The following FOXN1 variants were observed in gnomAD, a reference collection of about 807,000 sequenced individuals.
FOXN1 encodes the protein forkhead box protein N1.
FOXN1 carries 15 observed loss-of-function variants against 49.0 expected under a neutral mutation model. The ratio of observed to expected loss-of-function variants is 0.31; its 90% confidence interval spans 0.20 to 0.47. The LOEUF (loss-of-function observed/expected upper bound fraction) is 0.47. FOXN1 is among the 20% of genes least tolerant of loss of function. The pLI, the probability that FOXN1 is intolerant of heterozygous loss-of-function variation, is 1.00. For missense variants in FOXN1, 800 were observed against 842.8 expected (o/e 0.95, Z 0.63); for synonymous variants, 356 against 369.0 (o/e 0.96, Z 0.40).
chr17:28,525,792 A>C (rs1365467800), intron 3 of FOXN1, among the ~76,000 whole-genome samples: 1 of 152,108 alleles, frequency 6.6e-6, no homozygotes, highest in Non-Finnish European at 1.5e-5. Context: ...TAGAAGGAAG[A>C]TGGAGAAGGC....
In FOXN1 at chr17:28,534,492, G is replaced by C; in HGVS notation, c.1089G>C (p.Trp363Cys). Reference protein sequence around the residue: ...IDKMQEELQKWKRKDPIAVRK... With the variant: ...IDKMQEELQKCKRKDPIAVRK... ...AGATGCAAGAGGAGCTGCAAAAATG[G>C]AAGAGGAAAGATCCCATTGCTGTGC... The change falls in exon 7 of 9, where the codon TGG (tryptophan) becomes TGC (cysteine). Residue 363 changes from tryptophan (W) to cysteine (C), a missense_variant. Around this residue, in one of 3 missense-constraint regions of FOXN1, gnomAD observed 344 missense variants for 366.1 expected, o/e 0.94. Coordinates refer to ENST00000579795, the MANE Select transcript of FOXN1 (RefSeq NM_001369369.1). The surrounding 1 kb of genome is among the most constrained non-coding windows in gnomAD (Gnocchi z 4.1). 6.2e-7 allele frequency: 1 copy of C among 1,613,936 alleles called. No individual in the cohort carries two copies. The highest frequency in any genetic ancestry group is 8.5e-7 in the Non-Finnish European group (1 of 1,180,006).
At chr17:28,533,483 G>T (rs2069964593) in intron 6 of FOXN1, among the ~76,000 whole-genome samples, 1 of 104,924 alleles carries the variant, frequency 9.5e-6, no homozygotes, top group Non-Finnish European at 1.9e-5. Context: ...ATTGGCACGA[G>T]CACCCCCCCC....
chr17:28,535,963 T>C (rs999280336), intron 8 of FOXN1, among the ~76,000 whole-genome samples: 2 of 152,140 alleles, frequency 1.3e-5, no homozygotes, highest in East Asian at 1.9e-4. Flanking sequence ...AGATAGGAGT[T>C]TGGGGAGGGT....
intron 1 of FOXN1, among the ~76,000 whole-genome samples, chr17:28,522,703 T>A (rs146969667): frequency 2.8e-3 from 426 of 151,904 alleles, no homozygotes; most frequent in African/African-American, 9.5e-3. Context: ...CCAGGTGTGG[T>A]GGTACAAGCC....
rs1195766947 is a variant in FOXN1, at chr17:28,534,913, C to A, written c.1342C>A (p.Pro448Thr). 1.2e-6 allele frequency: 2 copies of A among 1,614,132 alleles called. No homozygotes were observed. The highest frequency in any genetic ancestry group is 2.2e-5 in the East Asian group (1 of 44,864). ...PLQDLLMGHT[P>T]SCYGQTYLHL... ...GCAGGACCTACTTATGGGGCACACA[C>A]CCTCCTGCTATGGGCAGACATACTT... The change falls in exon 8 of 9, where the codon CCC becomes ACC. Residue 448 changes from proline to threonine, a missense_variant. Pro to Thr is a conservative substitution (Grantham distance 38). Around this residue, in one of 3 missense-constraint regions of FOXN1, gnomAD observed 344 missense variants for 366.1 expected, o/e 0.94. Transcript: ENST00000579795. The surrounding 1 kb of genome is among the most constrained non-coding windows in gnomAD (Gnocchi z 4.1).
In FOXN1 at chr17:28,534,550, C is replaced by A; in HGVS notation, c.1135+12C>A. 1 of 1,610,828 alleles carries A rather than the reference C, an allele frequency of 6.2e-7. No individual in the cohort carries two copies. Among genetic ancestry groups the A allele is most frequent in the South Asian group, 1.1e-5 (1 of 90,916 alleles). On this transcript the variant is annotated intron_variant, in intron 7 of 8. Coordinates refer to ENST00000579795, the MANE Select transcript of FOXN1 (RefSeq NM_001369369.1). This position sits in a 1 kb window ranked among gnomAD's most constrained non-coding sequence, Gnocchi z 4.1. ...CATGGCCAAGCCAGGTGAGGCCGGC[C>A]GGGCCACGCAAGGAAGGGCCCAGGG...
At chr17:28,507,120 T>A (rs1453513643) in intron 1 of FOXN1, among the ~76,000 whole-genome samples, 1 of 151,884 alleles carries the variant, frequency 6.6e-6, no homozygotes, top group African/African-American at 2.4e-5. Context: ...TAAGGCAGAG[T>A]CCTGGTGAGC....
At chr17:28,529,794 C>T (rs754288151) in intron 5 of FOXN1, among the ~76,000 whole-genome samples, 57 of 152,008 alleles carry the variant, frequency 3.7e-4, no homozygotes, top group African/African-American at 1.0e-3. Context: ...TACATGGGAT[C>T]GGGTCATCAG....
intron 1 of FOXN1, among the ~76,000 whole-genome samples, chr17:28,512,697 C>T (rs913544778): frequency 6.6e-6 from 1 of 152,208 alleles, no homozygotes; most frequent in Admixed American, 6.5e-5. Context: ...TCCCCTCCCC[C>T]ACTAACCTTG....
In FOXN1 at chr17:28,530,719, C is replaced by T. The variant is rs12451259; in HGVS notation, c.831-30C>T. 116,887 of 1,323,318 alleles carry T rather than the reference C, an allele frequency of 0.088. 6,864 individuals carry two copies. The highest frequency in any genetic ancestry group is 0.24 in the East Asian group (10,515 of 43,446). The allele number at this position is 1,323,318 out of a possible 1,614,324, so 82.0% of individuals were successfully genotyped here. A position where few individuals can be genotyped will look rare whatever the true frequency, so the allele number is the denominator to read the frequency against. On this transcript the variant is annotated intron_variant, in intron 5 of 8. Transcript: ENST00000579795. ...TGGGCTCAGGACCCAGTCAGAGGTT[C>T]GGACTCTCAGGGGCTTTCTCTTTCT...
At position 28,524,919 on chromosome 17, in the gene FOXN1, G is replaced by C; in HGVS notation, c.540G>C (p.Trp180Cys). 1.2e-6 allele frequency: 2 copies of C among 1,612,908 alleles called. No homozygotes were observed. Among genetic ancestry groups the C allele is most frequent in the South Asian group, 2.2e-5 (2 of 91,052 alleles). The change falls in exon 3 of 9, where the codon TGG becomes TGC. Residue 180 changes from tryptophan (W) to cysteine (C), a missense_variant. Physicochemically the swap from Trp to Cys is radical, Grantham distance 215. Coordinates refer to ENST00000579795, the MANE Select transcript of FOXN1 (RefSeq NM_001369369.1). ...TGCCTGGCTTCTCAGCAGAGGCCTG[G>C]TGTAACGGGCTCCCCTACCCCAGCC... The part of the protein sequence containing the change: ...AFLPGFSAEA[W>C]CNGLPYPSQE...
intron 1 of FOXN1, among the ~76,000 whole-genome samples, chr17:28,515,484 C>G (rs2069475699): frequency 6.6e-6 from 1 of 151,724 alleles, no homozygotes; most frequent in Non-Finnish European, 1.5e-5. Flanking sequence ...AGGGTACATA[C>G]TTCCATAGGT....
chr17:28,535,479 G>A (rs1440661636), intron 8 of FOXN1, among the ~76,000 whole-genome samples: 1 of 152,254 alleles, frequency 6.6e-6, no homozygotes, highest in Non-Finnish European at 1.5e-5. Flanking sequence ...GCAGGGCACA[G>A]TGGCTCACGC....
In FOXN1 at chr17:28,537,535, C is replaced by T. The variant is rs1309667441; in HGVS notation, c.*99C>T. The T allele has an allele frequency of 2.7e-5, 25 of 928,952 alleles. No homozygotes were observed. Among genetic ancestry groups the T allele is most frequent in the Non-Finnish European group, 3.4e-5 (20 of 582,528 alleles). 57.5% of individuals were successfully genotyped at this position (928,952 alleles called of 1,614,324 possible). A position where few individuals can be genotyped will look rare whatever the true frequency, so the allele number is the denominator to read the frequency against. ...CCTTAAAGGTCAAGGAAGGAAAATA[C>T]TACCTGTCCCCTATGCCACTAAGCC... is the stretch of plus-strand genomic sequence containing the variant. On this transcript the variant is annotated 3_prime_UTR_variant, in exon 9 of 9. Transcript: ENST00000579795.
intron 1 of FOXN1, among the ~76,000 whole-genome samples, chr17:28,519,725 T>G (rs1007229552): frequency 1.3e-5 from 2 of 149,270 alleles, no homozygotes; most frequent in Non-Finnish European, 3.0e-5. Flanking sequence ...AACAAGAGAG[T>G]CAACCCCCCT....
chr17:28,517,814 A>C (rs112411238), intron 1 of FOXN1, among the ~76,000 whole-genome samples: 2 of 134,292 alleles, frequency 1.5e-5, no homozygotes, highest in African/African-American at 3.0e-5. Flanking sequence ...TCCACAGGAT[A>C]CACACCTCCA....
rs561401421 is a variant in FOXN1, at chr17:28,537,609, G to C, written c.*173G>C. On this transcript the variant is annotated 3_prime_UTR_variant, in exon 9 of 9. Transcript: ENST00000579795. The stretch of plus-strand genomic sequence containing the variant: ...GGGGGCGCAGAGGACATCACCTGGG[G>C]TGCTGCCTCTCACACATTTCTGCCA... The C allele has an allele frequency of 4.5e-6, 3 of 663,582 alleles. No individual in the cohort carries two copies. Among genetic ancestry groups the C allele is most frequent in the Non-Finnish European group, 8.2e-6 (3 of 365,166 alleles). 41.1% of individuals were successfully genotyped at this position (663,582 alleles called of 1,614,324 possible).
intron 1 of FOXN1, among the ~76,000 whole-genome samples, chr17:28,511,573 A>G (rs904098221): frequency 6.6e-6 from 1 of 152,172 alleles, no homozygotes; most frequent in Non-Finnish European, 1.5e-5. Flanking sequence ...GGGAGGAGGC[A>G]GGGGCACCAG....
At chr17:28,533,387 A>C (rs2069961794) in intron 6 of FOXN1, among the ~76,000 whole-genome samples, 2 of 152,020 alleles carry the variant, frequency 1.3e-5, no homozygotes, top group South Asian at 4.1e-4. Context: ...CACCCAACTG[A>C]GTCAGCCTAA....
Sources: allele counts gnomAD v4.1 joint callset (sites outside exome capture counted in the v4.1 genomes callset), GRCh38; gene constraint gnomAD v4.1.1; regional missense constraint gnomAD v4.1.1; non-coding constraint Gnocchi (gnomAD v3.1); transcripts MANE v1.5; gene names NCBI Gene and HGNC (gene_info 2026-07-23, HGNC 2026-07-21).